ZSWIM6: variants seen among roughly 807,000 people sequenced by gnomAD.
ZSWIM6 encodes zinc finger SWIM domain-containing protein 6.
ZSWIM6 carries 9 observed loss-of-function variants against 113.2 expected under a neutral mutation model. The observed-to-expected ratio is 0.08, with a 90% CI of 0.05 to 0.14. The LOEUF is 0.14. Ranked by LOEUF, ZSWIM6 falls within the 10% of genes least tolerant of loss-of-function variation. ZSWIM6 has a pLI of 1.00. For synonymous variants in ZSWIM6, 611 were observed against 606.5 expected (o/e 1.01, Z -0.11); for missense variants, 1,162 against 1,552.2 (o/e 0.75, Z 4.22).
chr5:61,507,143 A>C (rs1356526346), intron 4 of ZSWIM6, among the ~76,000 whole-genome samples: 1 of 152,158 alleles, frequency 6.6e-6, no homozygotes, highest in African/African-American at 2.4e-5. Flanking sequence ...CTCCAGTGAT[A>C]TTATACACAT....
At chr5:61,446,213 C>T (rs142542613) in intron 1 of ZSWIM6, among the ~76,000 whole-genome samples, 11 of 152,238 alleles carry the variant, frequency 7.2e-5, no homozygotes, top group African/African-American at 1.9e-4. Context: ...TTAGTAGAGA[C>T]GGGGTTTCAC....
chr5:61,398,912 GTTTTTTTTTTTTT>G (rs57439648), intron 1 of ZSWIM6, among the ~76,000 whole-genome samples: 2 of 61,736 alleles, frequency 3.2e-5, no homozygotes, highest in East Asian at 6.5e-4. Flanking sequence ...GTGTATAGTT[GTTTTTTTTTTTTT>G]TTTTTTTTTT....
intron 5 of ZSWIM6, among the ~76,000 whole-genome samples, chr5:61,522,798 G>A (rs745319438): frequency 1.3e-5 from 2 of 152,206 alleles, no homozygotes; most frequent in Non-Finnish European, 2.9e-5. Context: ...GAAAGGGTAT[G>A]CCTACATCTA....
chr5:61,399,241 T>G (rs930911767), intron 1 of ZSWIM6, among the ~76,000 whole-genome samples: 11 of 151,296 alleles, frequency 7.3e-5, no homozygotes, highest in Admixed American at 6.6e-5. Flanking sequence ...GTTTTTTTTT[T>G]TTTTTTTTTT....
intron 5 of ZSWIM6, among the ~76,000 whole-genome samples, chr5:61,521,754 A>G (rs892596958): frequency 3.3e-5 from 5 of 152,186 alleles, no homozygotes; most frequent in South Asian, 2.1e-4. Context: ...TAAAAAGATC[A>G]TGGAGTAGGA....
At chr5:61,432,148 A>G (rs767240941) in intron 1 of ZSWIM6, among the ~76,000 whole-genome samples, 8 of 152,210 alleles carry the variant, frequency 5.3e-5, no homozygotes, top group Non-Finnish European at 5.9e-5. Flanking sequence ...TTCTAATACA[A>G]CAGGCTGTTT....
chr5:61,344,312 C>T (rs772250123), intron 1 of ZSWIM6, among the ~76,000 whole-genome samples: 1 of 152,142 alleles, frequency 6.6e-6, no homozygotes, highest in Admixed American at 6.5e-5. Flanking sequence ...AGTCTTTTCA[C>T]GATTGTGGTT....
At chr5:61,535,848 G>A (rs761601565) in intron 10 of ZSWIM6, among the ~76,000 whole-genome samples, 2 of 152,214 alleles carry the variant, frequency 1.3e-5, no homozygotes, top group Non-Finnish European at 2.9e-5. Flanking sequence ...CAAGCACACC[G>A]TGGCTTTTTC....
At chr5:61,483,234 CTCT>C (rs1747924995) in intron 2 of ZSWIM6, among the ~76,000 whole-genome samples, 2 of 152,204 alleles carry the variant, frequency 1.3e-5, no homozygotes, top group South Asian at 4.1e-4. Flanking sequence ...GTATCTCTTC[CTCT>C]TCTTATAAAG....
chr5:61,480,229 C>T (rs994835835), intron 2 of ZSWIM6, among the ~76,000 whole-genome samples: 5 of 151,878 alleles, frequency 3.3e-5, no homozygotes, highest in South Asian at 2.1e-4. Flanking sequence ...TACATGAATA[C>T]GTATACTATT....
At chr5:61,442,982 G>A (rs1746871879) in intron 1 of ZSWIM6, among the ~76,000 whole-genome samples, 1 of 152,180 alleles carries the variant, frequency 6.6e-6, no homozygotes, top group African/African-American at 2.4e-5. Context: ...TTAGTTCAGT[G>A]CATGCAATCA....
rs1442554628 is a variant in ZSWIM6 at position 61,368,890 on chromosome 5, A to C, written c.676+35942A>C. ...GCAGCTGTATGAACTTCTGTAGCTC[A>C]CTTAAGCTTACCACTTACCACACCT... On this transcript the variant is annotated intron_variant, in intron 1 of 13. Coordinates refer to ENST00000252744, the MANE Select transcript of ZSWIM6 (RefSeq NM_020928.2). 2.6e-5 allele frequency among the ~76,000 whole-genome samples: 4 copies of C among 152,206 alleles called. No individual in the cohort carries two copies. In the East Asian group the frequency reaches 7.7e-4, roughly 29 times the overall value.
chr5:61,515,808 T>C (rs1222150208), intron 4 of ZSWIM6, among the ~76,000 whole-genome samples: 1 of 152,152 alleles, frequency 6.6e-6, no homozygotes, highest in East Asian at 1.9e-4. Flanking sequence ...TTAAGCTCTG[T>C]CAGTTTTGCT....
At chr5:61,474,905 A>G (rs1294311505) in intron 2 of ZSWIM6, among the ~76,000 whole-genome samples, 3 of 152,204 alleles carry the variant, frequency 2.0e-5, no homozygotes, top group African/African-American at 7.2e-5. Flanking sequence ...TAAAGTAGCT[A>G]TCATAAGGTG....
chr5:61,395,532 A>C (rs1745819399), intron 1 of ZSWIM6, among the ~76,000 whole-genome samples: 1 of 152,262 alleles, frequency 6.6e-6, no homozygotes, highest in African/African-American at 2.4e-5. Flanking sequence ...TAATTGATTA[A>C]ATGAGCACAG....
chr5:61,390,689 A>T, intron 1 of ZSWIM6: 1 of 861,380 alleles, frequency 1.2e-6, no homozygotes, highest in South Asian at 1.3e-5. Context: ...CTTCCTTTGC[A>T]ATTCGGTCTT....
intron 1 of ZSWIM6, among the ~76,000 whole-genome samples, chr5:61,339,890 G>A (rs993347583): frequency 3.9e-5 from 6 of 152,052 alleles, no homozygotes; most frequent in African/African-American, 7.2e-5. Flanking sequence ...TCAAAACCAC[G>A]AACTGTTTCC....
chr5:61,379,894 T>C (rs527754527), intron 1 of ZSWIM6, among the ~76,000 whole-genome samples: 1 of 152,276 alleles, frequency 6.6e-6, no homozygotes, highest in Non-Finnish European at 1.5e-5. Flanking sequence ...GAACTGAAAG[T>C]GTGAGCACTC....
At position 61,392,751 on chromosome 5, in the gene ZSWIM6, T is replaced by C. The variant is rs994901667; in HGVS notation, c.676+59803T>C. Among the ~76,000 whole-genome samples the C allele has an allele frequency of 5.9e-5, 9 of 151,606 alleles. No individual in the cohort carries two copies. In the East Asian group the frequency reaches 1.8e-3, roughly 30 times the overall value. On this transcript the variant is annotated intron_variant, in intron 1 of 13. Coordinates refer to ENST00000252744, the MANE Select transcript of ZSWIM6 (RefSeq NM_020928.2). ...CCTCAGCCTCCTGAGTAGCCGGGAT[T>C]ACAGGCATCCGTCACCACCCCCTGC...
Sources: gnomAD v4.1 joint callset for allele counts (sites outside exome capture counted in the v4.1 genomes callset) on GRCh38, gnomAD v4.1.1 for gene constraint, MANE v1.5 for transcripts, NCBI Gene and HGNC (gene_info 2026-07-23, HGNC 2026-07-21) for gene names.